The following CPQ variants were observed in gnomAD, a reference collection of about 807,000 sequenced individuals.
CPQ encodes carboxypeptidase Q.
CPQ carries 37 observed loss-of-function variants against 45.7 expected under a neutral mutation model. The observed-to-expected ratio is 0.81, with a 90% CI of 0.62 to 1.07. The LOEUF is 1.07. Ranked by LOEUF, CPQ falls within the 50% of genes least tolerant of loss-of-function variation. The pLI, the probability that CPQ is intolerant of heterozygous loss-of-function variation, is 0.00. For synonymous variants in CPQ, 186 were observed against 205.8 expected, an observed-to-expected ratio of 0.90 and a Z score of 0.82; for missense variants, 537 against 572.9, an observed-to-expected ratio of 0.94 and a Z score of 0.64.
At chr8:97,083,036 T>G (rs1810979992) in intron 7 of CPQ, among the ~76,000 whole-genome samples, 4 of 152,190 alleles carry the variant, frequency 2.6e-5, no homozygotes, top group African/African-American at 9.6e-5. Flanking sequence ...AGCAACAAGA[T>G]TCATCACTTA....
intron 7 of CPQ, among the ~76,000 whole-genome samples, chr8:97,123,133 TAAAATAAAATAAAATAAATAAAATA>T (rs1811771577): frequency 2.2e-5 from 1 of 44,536 alleles, no homozygotes; most frequent in African/African-American, 1.0e-4. Flanking sequence ...ATAAATAAAA[TAAAATAAAATAAAATAAATAAAATA>T]AAATAAAATA....
chr8:96,929,763 A>C (rs1194320880), intron 4 of CPQ, among the ~76,000 whole-genome samples: 1 of 152,224 alleles, frequency 6.6e-6, no homozygotes, highest in African/African-American at 2.4e-5. Flanking sequence ...TCTGAGATAC[A>C]ATTACCCATG....
intron 7 of CPQ, among the ~76,000 whole-genome samples, chr8:97,109,483 T>A (rs993810443): frequency 1.3e-5 from 2 of 152,130 alleles, no homozygotes; most frequent in African/African-American, 4.8e-5. Context: ...TTCACAGCTT[T>A]ACCCAGCCCT....
chr8:96,722,583 A>G (rs1040632927), intron 1 of CPQ, among the ~76,000 whole-genome samples: 2 of 152,168 alleles, frequency 1.3e-5, no homozygotes, highest in East Asian at 1.9e-4. Flanking sequence ...TGCATCCTCA[A>G]TTTATTTAAA....
At chr8:96,883,337 C>G (rs1812255274) in intron 4 of CPQ, among the ~76,000 whole-genome samples, 1 of 152,144 alleles carries the variant, frequency 6.6e-6, no homozygotes, top group East Asian at 1.9e-4. Context: ...GTACCCTTCT[C>G]TCTGTCAAGA....
intron 1 of CPQ, among the ~76,000 whole-genome samples, chr8:96,704,308 A>G (rs1809504940): frequency 6.6e-6 from 1 of 152,218 alleles, no homozygotes; most frequent in Non-Finnish European, 1.5e-5. Context: ...AAGAGCAGAA[A>G]CTTCGTCTTT....
At chr8:96,898,712 C>T (rs1771775619) in intron 4 of CPQ, among the ~76,000 whole-genome samples, 1 of 147,508 alleles carries the variant, frequency 6.8e-6, no homozygotes, top group Non-Finnish European at 1.5e-5. Flanking sequence ...ACCAGCATGG[C>T]ACATGTATAT....
At chr8:96,751,716 C>T (rs1338261037) in intron 1 of CPQ, among the ~76,000 whole-genome samples, 1 of 152,112 alleles carries the variant, frequency 6.6e-6, no homozygotes, top group Non-Finnish European at 1.5e-5. Flanking sequence ...TTTGCCCATG[C>T]CTCTGTCCTG....
intron 4 of CPQ, among the ~76,000 whole-genome samples, chr8:96,898,838 G>GT (rs112157290): frequency 0.052 from 7,862 of 150,802 alleles, 572 homozygotes; most frequent in African/African-American, 0.16. Context: ...GGGTCGGGGA[G>GT]TGGCGAAATG....
intron 1 of CPQ, among the ~76,000 whole-genome samples, chr8:96,672,209 T>G (rs898859131): frequency 2.0e-5 from 3 of 152,176 alleles, no homozygotes; most frequent in African/African-American, 7.2e-5. Context: ...CTTTGTTCCT[T>G]GACAGGGCTA....
chr8:96,737,069 T>C (rs1358372144), intron 1 of CPQ, among the ~76,000 whole-genome samples: 1 of 151,908 alleles, frequency 6.6e-6, no homozygotes, highest in Admixed American at 6.6e-5. Context: ...TTTGGCTCTG[T>C]TGTTTCCTTC....
At chr8:96,664,573 G>A (rs1808895307) in intron 1 of CPQ, among the ~76,000 whole-genome samples, 1 of 152,228 alleles carries the variant, frequency 6.6e-6, no homozygotes, top group Non-Finnish European at 1.5e-5. Flanking sequence ...TTAGTTTATA[G>A]TGGCATGATT....
chr8:96,740,397 G>A (rs935517174), intron 1 of CPQ, among the ~76,000 whole-genome samples: 1 of 152,088 alleles, frequency 6.6e-6, no homozygotes, highest in African/African-American at 2.4e-5. Context: ...ATACAATCAT[G>A]TCATCTGCAA....
At chr8:97,112,159 T>A (rs961080366) in intron 7 of CPQ, among the ~76,000 whole-genome samples, 2 of 133,714 alleles carry the variant, frequency 1.5e-5, no homozygotes, top group African/African-American at 6.1e-5. Context: ...TTATTTTTTT[T>A]TTATTTTTTT....
intron 5 of CPQ, among the ~76,000 whole-genome samples, chr8:97,023,075 A>G (rs1412558149): frequency 2.7e-5 from 2 of 74,752 alleles, no homozygotes; most frequent in African/African-American, 3.9e-5. Context: ...ACTGTAGTGT[A>G]TATATATACA....
chr8:96,720,868 G>A (rs924853072), intron 1 of CPQ, among the ~76,000 whole-genome samples: 8 of 151,812 alleles, frequency 5.3e-5, no homozygotes, highest in African/African-American at 1.7e-4. Flanking sequence ...TATTCCCCTT[G>A]TTGCGAATGC....
chr8:96,713,991 C>T (rs1177851068), intron 1 of CPQ, among the ~76,000 whole-genome samples: 1 of 152,170 alleles, frequency 6.6e-6, no homozygotes, highest in Non-Finnish European at 1.5e-5. Context: ...TGTAAGGTTT[C>T]TGCTGAGAAG....
intron 7 of CPQ, among the ~76,000 whole-genome samples, chr8:97,103,671 T>C (rs1019778507): frequency 6.6e-6 from 1 of 152,122 alleles, no homozygotes; most frequent in African/African-American, 2.4e-5. Context: ...GGACTTTATC[T>C]GAAAGATGAT....
chr8:96,882,306 A>T (rs1372676786), intron 4 of CPQ, among the ~76,000 whole-genome samples: 2 of 152,200 alleles, frequency 1.3e-5, no homozygotes, highest in Admixed American at 1.3e-4. Context: ...TCAAATAGAC[A>T]AGCCCAGCCC....
Sources: gnomAD v4.1 joint callset for allele counts (sites outside exome capture counted in the v4.1 genomes callset) on GRCh38, gnomAD v4.1.1 for gene constraint, MANE v1.5 for transcripts, NCBI Gene and HGNC (gene_info 2026-07-23, HGNC 2026-07-21) for gene names.